The following BTBD2 variants were observed in gnomAD, a reference collection of about 807,000 sequenced individuals.
BTBD2 encodes the protein BTB domain containing 2.
In BTBD2, 15 loss-of-function variants were observed where a neutral mutation model predicts 44.0. The observed-to-expected ratio is 0.34, with a 90% CI of 0.23 to 0.53. The LOEUF is 0.53. Among genes scored for constraint, BTBD2 ranks in the 20% least tolerant of loss-of-function variants. BTBD2 has a pLI of 0.95. For missense variants in BTBD2, 657 were observed against 746.4 expected, an observed-to-expected ratio of 0.88 and a Z score of 1.39; for synonymous variants, 443 against 335.9, an observed-to-expected ratio of 1.32 and a Z score of -3.49.
intron 1 of BTBD2, among the ~76,000 whole-genome samples, chr19:1,999,671 A>G (rs2016300062): frequency 6.6e-6 from 1 of 151,878 alleles, no homozygotes; most frequent in East Asian, 1.9e-4. Context: ...GTCTCAAAAA[A>G]AAAAAAAGGC....
intron 3 of BTBD2, 28 bp downstream of exon 3, chr19:1,992,992 G>A: frequency 5.7e-6 from 2 of 348,528 alleles, no homozygotes; most frequent in Non-Finnish European, 4.1e-6. Context: ...GCCTGGCCCC[G>A]CCCCCGCCTC....
At chr19:2,007,252 A>C (rs2016407016) in intron 1 of BTBD2, among the ~76,000 whole-genome samples, 1 of 152,160 alleles carries the variant, frequency 6.6e-6, no homozygotes, top group South Asian at 2.1e-4. Flanking sequence ...CGGCCTCCGA[A>C]AGTGCCAGGA....
At chr19:2,012,724 G>A (rs1426313976) in intron 1 of BTBD2, among the ~76,000 whole-genome samples, 4 of 152,222 alleles carry the variant, frequency 2.6e-5, no homozygotes, top group South Asian at 2.1e-4. Context: ...TGAGCCCCCC[G>A]GGGGCAGACC....
chr19:1,999,763 A>G, intron 1 of BTBD2, among the ~76,000 whole-genome samples: 1 of 151,808 alleles, frequency 6.6e-6, no homozygotes, highest in Non-Finnish European at 1.5e-5. Context: ...GAGTTGGGAG[A>G]CCAGCCTGGC....
At chr19:1,989,652 C>A in intron 5 of BTBD2, 1 of 327,000 alleles carries the variant, frequency 3.1e-6, no homozygotes, top group African/African-American at 2.1e-5. Context: ...ACAGCCACCC[C>A]GGCCATGTCA....
At chr19:2,004,024 C>T (rs185977922) in intron 1 of BTBD2, among the ~76,000 whole-genome samples, 11 of 152,108 alleles carry the variant, frequency 7.2e-5, no homozygotes, top group Admixed American at 3.9e-4. Context: ...GAGATAAATG[C>T]GTATCTGATT....
At chr19:2,011,161 G>A (rs1216503933) in intron 1 of BTBD2, among the ~76,000 whole-genome samples, 5 of 151,962 alleles carry the variant, frequency 3.3e-5, no homozygotes, top group African/African-American at 1.2e-4. Flanking sequence ...GCCTGTCCTG[G>A]CTTGTGATGC....
intron 1 of BTBD2, among the ~76,000 whole-genome samples, chr19:1,999,433 AGGC>A (rs1220033231): frequency 6.6e-6 from 1 of 152,238 alleles, no homozygotes; most frequent in Non-Finnish European, 1.5e-5. Context: ...TGGGAGACCA[AGGC>A]GGGAGGATCG....
chr19:1,990,330 G>C, intron 4 of BTBD2, 129 bp from the exon 5 acceptor site: 1 of 961,318 alleles, frequency 1.0e-6, no homozygotes, highest in Non-Finnish European at 1.5e-6. Context: ...CCCAAATCTG[G>C]CCCTGTGAGT....
chr19:2,001,960 C>T (rs1175241936), intron 1 of BTBD2, among the ~76,000 whole-genome samples: 9 of 152,116 alleles, frequency 5.9e-5, no homozygotes, highest in African/African-American at 1.4e-4. Context: ...AGGGTGGCCT[C>T]GAACTCCTGA....
chr19:1,988,918 A>AT (rs2016132882), intron 5 of BTBD2, among the ~76,000 whole-genome samples: 1 of 151,580 alleles, frequency 6.6e-6, no homozygotes, highest in South Asian at 2.1e-4. Flanking sequence ...AATTGTATAT[A>AT]TTTTTTTATT....
intron 2 of BTBD2, 145 bp downstream of exon 2, chr19:1,997,199 C>T: frequency 8.2e-7 from 1 of 1,225,268 alleles, no homozygotes; most frequent in African/African-American, 1.5e-5. Flanking sequence ...AAAAAAAGTG[C>T]CTCTGGAACC....
At chr19:1,995,078 C>T (rs981448628) in intron 2 of BTBD2, among the ~76,000 whole-genome samples, 1 of 151,946 alleles carries the variant, frequency 6.6e-6, no homozygotes, top group Non-Finnish European at 1.5e-5. Flanking sequence ...AGCGATTCTC[C>T]TGCCTCAGCT....
rs915809118 is a variant in BTBD2, at chr19:1,990,393, C to T, written c.791-192G>A. 2.6e-5 allele frequency: 17 copies of T among 664,932 alleles called. 1 individual carries two copies. The highest frequency in any genetic ancestry group is 1.5e-4 in the African/African-American group (8 of 55,092). The allele number at this position is 664,932 out of a possible 1,614,324, so 41.2% of individuals were successfully genotyped here. On this transcript the variant is annotated intron_variant, in intron 4 of 8. Transcript: ENST00000255608. Reference sequence around the variant, plus strand: ...CAAGACCACGCCCCTTCATTTTCCTCGGCTGTGGTTGTTTTTAAGCCACAA... The same window carrying T: ...CAAGACCACGCCCCTTCATTTTCCTTGGCTGTGGTTGTTTTTAAGCCACAA...
chr19:2,015,267 G>A, intron 1 of BTBD2, 30 bp downstream of exon 1: 3 of 1,529,294 alleles, frequency 2.0e-6, no homozygotes, highest in South Asian at 1.2e-5. Flanking sequence ...GGTGGGTCGG[G>A]GCCAGGGCTG....
chr19:2,009,221 C>T lies in BTBD2; in HGVS notation c.407+6076G>A, dbSNP rs143428729. Reference sequence around the variant, plus strand: ...TTTTCTTTTTTCTTCTTTTTTGAGGCGGAGTCTCAGTCTGTCACCCAGGTT... The same window carrying T: ...TTTTCTTTTTTCTTCTTTTTTGAGGTGGAGTCTCAGTCTGTCACCCAGGTT... On this transcript the variant is annotated intron_variant, in intron 1 of 8. Coordinates refer to ENST00000255608, the MANE Select transcript of BTBD2 (RefSeq NM_017797.4). 2.5e-3 allele frequency among the ~76,000 whole-genome samples: 382 copies of T among 149,944 alleles called. 6 individuals are homozygous for T. In the East Asian group the frequency reaches 0.045, roughly 18 times the overall value.
chr19:1,993,489 A>G (rs1055247666), intron 2 of BTBD2, among the ~76,000 whole-genome samples: 1 of 152,184 alleles, frequency 6.6e-6, no homozygotes, highest in Non-Finnish European at 1.5e-5. Context: ...AGGAGAGGGC[A>G]CTGGGAGCTG....
At position 1,997,427 on chromosome 19, in the gene BTBD2, G is replaced by A. The variant is rs2016266110; in HGVS notation, c.444C>T (p.Ala148=). ...TTGTGGCCATTCCCCCGTTGAACAT[G>A]GCATCAAAGACGGCGCTGCCCACGG... The part of the protein sequence containing the change: ...VLAVGSAVFD[A]MFNGGMATTS... The change falls in exon 2 of 9, where the codon GCC becomes GCT. Residue 148 remains alanine (A), a synonymous_variant. Coordinates refer to ENST00000255608, the MANE Select transcript of BTBD2 (RefSeq NM_017797.4). 2 of 1,614,186 alleles carry A rather than the reference G, an allele frequency of 1.2e-6. No homozygotes were observed. Among genetic ancestry groups the A allele is most frequent in the South Asian group, 1.1e-5 (1 of 91,092 alleles).
At position 1,987,434 on chromosome 19, in the gene BTBD2, A is replaced by G. The variant is rs1003086410; in HGVS notation, c.1181+66T>C. On this transcript the variant is annotated intron_variant, in intron 6 of 8. Coordinates refer to ENST00000255608, the MANE Select transcript of BTBD2 (RefSeq NM_017797.4). ...TCTCCACCCCCATGCCCGGCCCCCCATCTCCGTCATCCCCGAGTCCTCCAC... is the reference window on the plus strand; with the variant it reads ...TCTCCACCCCCATGCCCGGCCCCCCGTCTCCGTCATCCCCGAGTCCTCCAC... 7 of 270,910 alleles carry G rather than the reference A, an allele frequency of 2.6e-5. No homozygotes were observed. In the East Asian group the frequency reaches 5.2e-4, roughly 20 times the overall value. The allele number at this position is 270,910 out of a possible 1,614,324, so 16.8% of individuals were successfully genotyped here. A position where few individuals can be genotyped will look rare whatever the true frequency, so the allele number is the denominator to read the frequency against.
Sources: allele counts gnomAD v4.1 joint callset (sites outside exome capture counted in the v4.1 genomes callset), GRCh38; gene constraint gnomAD v4.1.1; transcripts MANE v1.5; gene names NCBI Gene and HGNC (gene_info 2026-07-23, HGNC 2026-07-21).